Variants in PRIM2 observed in about 807,000 individuals in gnomAD.
The protein encoded by PRIM2 is DNA primase large subunit.
In PRIM2, 39 loss-of-function variants were observed where a neutral mutation model predicts 67.3. The ratio of observed to expected loss-of-function variants is 0.58; its 90% confidence interval spans 0.45 to 0.76. PRIM2 has a LOEUF of 0.76. PRIM2 is among the 30% of genes least tolerant of loss of function. The pLI, the probability that PRIM2 is intolerant of heterozygous loss-of-function variation, is 0.00. For synonymous variants in PRIM2, 143 were observed against 198.7 expected, an observed-to-expected ratio of 0.72 and a Z score of 2.36; for missense variants, 398 against 598.7, an observed-to-expected ratio of 0.66 and a Z score of 3.50.
upstream of PRIM2, among the ~76,000 whole-genome samples, chr6:57,311,641 G>A (rs1336047173): frequency 1.3e-5 from 2 of 152,194 alleles, no homozygotes; most frequent in Non-Finnish European, 2.9e-5. Flanking sequence ...GGCGGGCAGA[G>A]GCTGTAATCT....
intron 7 of PRIM2, among the ~76,000 whole-genome samples, chr6:57,394,738 C>T (rs1043372042): frequency 2.6e-5 from 4 of 152,104 alleles, no homozygotes; most frequent in African/African-American, 4.8e-5. Flanking sequence ...TTGTCTTGTT[C>T]CCGTTCTCAG....
the PRIM2 span, among the ~76,000 whole-genome samples, chr6:57,235,420 C>T: frequency 6.0e-5 from 9 of 150,168 alleles, no homozygotes; most frequent in African/African-American, 2.0e-4. Context: ...GCTGAGATCG[C>T]GCCACTGCGC....
intron 7 of PRIM2, among the ~76,000 whole-genome samples, chr6:57,448,399 A>G (rs1041421784): frequency 6.6e-6 from 1 of 152,196 alleles, no homozygotes; most frequent in African/African-American, 2.4e-5. Context: ...TGCATTGTTA[A>G]TGGAATACCA....
intron 8 of PRIM2, among the ~76,000 whole-genome samples, chr6:57,516,694 C>G (rs1379408231): frequency 6.6e-6 from 1 of 152,026 alleles, no homozygotes; most frequent in Admixed American, 6.6e-5. Context: ...GAGAGCTGTT[C>G]AGTAATACAT....
chr6:57,361,453 G>A (rs941187856), intron 5 of PRIM2, among the ~76,000 whole-genome samples: 8 of 150,736 alleles, frequency 5.3e-5, no homozygotes, highest in Non-Finnish European at 1.2e-4. Flanking sequence ...AAATGTGTGA[G>A]TAGCCTCTTT....
At chr6:57,408,179 T>C (rs1770963892) in intron 7 of PRIM2, among the ~76,000 whole-genome samples, 1 of 152,252 alleles carries the variant, frequency 6.6e-6, no homozygotes, top group Non-Finnish European at 1.5e-5. Context: ...TCTTGTCTCA[T>C]GCCCAATTAG....
intron 10 of PRIM2, among the ~76,000 whole-genome samples, chr6:57,558,866 A>G (rs1440024115): frequency 2.0e-5 from 3 of 152,072 alleles, no homozygotes; most frequent in African/African-American, 4.8e-5. Flanking sequence ...GGTGGCTCAC[A>G]CCTATAATCT....
At chr6:57,294,882 T>G in the PRIM2 span, among the ~76,000 whole-genome samples, 1 of 150,900 alleles carries the variant, frequency 6.6e-6, no homozygotes, top group African/African-American at 2.4e-5. Flanking sequence ...CGATCTCAGC[T>G]CATTGCAACC....
intron 5 of PRIM2, among the ~76,000 whole-genome samples, chr6:57,370,492 A>T (rs1481839334): frequency 1.3e-5 from 2 of 152,188 alleles, no homozygotes; most frequent in Non-Finnish European, 2.9e-5. Context: ...TTATAACTAA[A>T]TAGATAAATG....
intron 5 of PRIM2, among the ~76,000 whole-genome samples, chr6:57,369,760 A>G (rs1416042737): frequency 6.6e-6 from 1 of 152,228 alleles, no homozygotes; most frequent in Non-Finnish European, 1.5e-5. Flanking sequence ...GGCTTTTATC[A>G]GTTATTTTGA....
chr6:57,569,632 A>C lies in PRIM2; in HGVS notation c.1021-31461A>C, dbSNP rs1775823096. On this transcript the variant is annotated intron_variant, in intron 10 of 13. Coordinates refer to ENST00000615550, the MANE Select transcript of PRIM2 (RefSeq NM_000947.5). ...ACTTTTTTGAAAATAGAATTTGAAC[A>C]TAAACTTGTAGAAGTATAATTAAAT... 2.0e-5 allele frequency among the ~76,000 whole-genome samples: 3 copies of C among 152,312 alleles called. No homozygotes were observed. In the South Asian group the frequency reaches 6.2e-4, roughly 32 times the overall value.
rs1282915653 is a variant in PRIM2 at position 57,418,367 on chromosome 6, GTTTCCTA to G, written c.693+36201_693+36207del. On this transcript the variant is annotated intron_variant, in intron 7 of 13. Transcript: ENST00000615550. ...AGAAGTAGTAATGGGATAAGGTAAT[GTTTCCTA>G]TGTGTGTGGTTTTTTTTTTTTTTTT... Among the ~76,000 whole-genome samples, 8 of 102,898 alleles carry G rather than the reference GTTTCCTA, an allele frequency of 7.8e-5. No homozygotes were observed. The South Asian group carries it at 2.6e-3, about 34-fold the overall frequency. The allele number at this position is 102,898 out of a possible 152,430, so 67.5% of individuals were successfully genotyped here.
At chr6:57,376,465 T>G (rs548692326) in intron 5 of PRIM2, among the ~76,000 whole-genome samples, 3 of 152,268 alleles carry the variant, frequency 2.0e-5, no homozygotes, top group Non-Finnish European at 4.4e-5. Context: ...TGCCTGTTAA[T>G]GTCTTTTGCT....
the PRIM2 span, among the ~76,000 whole-genome samples, chr6:57,234,690 A>AT: frequency 6.6e-6 from 1 of 151,696 alleles, no homozygotes; most frequent in Non-Finnish European, 1.5e-5. Flanking sequence ...TGCCCAGCTA[A>AT]TTTTTTGTAT....
the PRIM2 span, among the ~76,000 whole-genome samples, chr6:57,232,168 G>A: frequency 7.2e-5 from 11 of 152,156 alleles, no homozygotes; most frequent in South Asian, 2.1e-4. Context: ...CAAGCGTTCC[G>A]TTGTTGTATT....
chr6:57,489,532 G>A (rs1214471960), intron 7 of PRIM2, among the ~76,000 whole-genome samples: 1 of 151,836 alleles, frequency 6.6e-6, no homozygotes, highest in Non-Finnish European at 1.5e-5. Context: ...ACTCCAGCCT[G>A]GGCGACAGAG....
intron 10 of PRIM2, among the ~76,000 whole-genome samples, chr6:57,574,533 A>C (rs1276582659): frequency 0.32 from 48,607 of 152,002 alleles, 7,708 homozygotes; most frequent in East Asian, 0.44. Context: ...TCAACTAGTT[A>C]TATAATTTGC....
In PRIM2 at chr6:57,537,315, G is replaced by A. The variant is rs1366175493; in HGVS notation, c.835-125G>A. On this transcript the variant is annotated intron_variant, in intron 9 of 13. Transcript: ENST00000615550. ...AGTCATCTGTAACCACAGTAATAAAGTGGCACTTTCTTATGGTGTTTTTTT... is the reference window on the plus strand; with the variant it reads ...AGTCATCTGTAACCACAGTAATAAAATGGCACTTTCTTATGGTGTTTTTTT... 203 of 478,522 alleles carry A rather than the reference G, an allele frequency of 4.2e-4. 1 individual carries two copies. The highest frequency in any genetic ancestry group is 5.4e-4 in the Middle Eastern group (1 of 1,860). 29.6% of individuals were successfully genotyped at this position (478,522 alleles called of 1,614,324 possible).
chr6:57,339,657 A>C (rs1768399627), intron 5 of PRIM2, among the ~76,000 whole-genome samples: 1 of 152,208 alleles, frequency 6.6e-6, no homozygotes, highest in African/African-American at 2.4e-5. Flanking sequence ...AGCCATATGC[A>C]GAAAGCTGAA....
Sources: allele counts gnomAD v4.1 joint callset (sites outside exome capture counted in the v4.1 genomes callset), GRCh38; gene constraint gnomAD v4.1.1; transcripts MANE v1.5; gene names NCBI Gene and HGNC (gene_info 2026-07-23, HGNC 2026-07-21).